The following PIBF1 variants were observed in gnomAD, a reference collection of about 807,000 sequenced individuals.
PIBF1 encodes the protein progesterone immunomodulatory binding factor 1, also known as progesterone-induced-blocking factor 1.
PIBF1 carries 90 observed loss-of-function variants against 112.5 expected under a neutral mutation model. The ratio of observed to expected loss-of-function variants is 0.80; its 90% CI spans 0.67 to 0.95. The LOEUF (loss-of-function observed/expected upper bound fraction) is 0.95. PIBF1 is among the 40% of genes least tolerant of loss of function. The pLI, the probability that PIBF1 is intolerant of heterozygous loss-of-function variation, is 0.00. For missense variants in PIBF1, 915 were observed against 852.3 expected (o/e 1.07, Z -0.92); for synonymous variants, 301 against 288.6 (o/e 1.04, Z -0.44).
At chr13:72,883,381 A>G (rs2039719686) in intron 10 of PIBF1, among the ~76,000 whole-genome samples, 1 of 152,198 alleles carries the variant, frequency 6.6e-6, no homozygotes, top group South Asian at 2.1e-4. Flanking sequence ...GGGTACAAAA[A>G]TAATAGGGAG....
intron 13 of PIBF1, among the ~76,000 whole-genome samples, chr13:72,923,838 C>T (rs2041383350): frequency 6.6e-6 from 1 of 152,140 alleles, no homozygotes; most frequent in African/African-American, 2.4e-5. Context: ...GTGGTGGGCG[C>T]CTGTAATCCC....
At chr13:72,975,054 CT>C (rs568515289) in intron 16 of PIBF1, among the ~76,000 whole-genome samples, 14,069 of 135,928 alleles carry the variant, frequency 0.1, 570 homozygotes, top group Non-Finnish European at 0.15. Context: ...GAAAAAGAAA[CT>C]TTTTTTTTTT....
chr13:72,830,876 A>T (rs1003235071), intron 8 of PIBF1, among the ~76,000 whole-genome samples: 4 of 152,158 alleles, frequency 2.6e-5, no homozygotes, highest in Admixed American at 6.5e-5. Flanking sequence ...CTCTGGTAGA[A>T]TTCAGCTGGG....
At chr13:72,984,456 A>G (rs1249070551) in intron 16 of PIBF1, among the ~76,000 whole-genome samples, 2 of 152,218 alleles carry the variant, frequency 1.3e-5, no homozygotes, top group Non-Finnish European at 2.9e-5. Context: ...CCCAAAATAC[A>G]TACTTTTCAG....
chr13:72,970,948 C>G (rs1354767495), intron 15 of PIBF1, among the ~76,000 whole-genome samples: 1 of 152,144 alleles, frequency 6.6e-6, no homozygotes, highest in Non-Finnish European at 1.5e-5. Flanking sequence ...TCATGTCTTA[C>G]AGGTGCAACA....
intron 10 of PIBF1, among the ~76,000 whole-genome samples, chr13:72,892,421 A>G (rs545668775): frequency 5.8e-4 from 88 of 152,178 alleles, no homozygotes; most frequent in Admixed American, 1.6e-3. Flanking sequence ...CTCTGATTAT[A>G]TTTTGAATGG....
chr13:72,913,761 C>CAA (rs570395102), intron 12 of PIBF1, among the ~76,000 whole-genome samples: 7 of 124,342 alleles, frequency 5.6e-5, no homozygotes, highest in Non-Finnish European at 3.4e-5. Flanking sequence ...GACTCTGTCT[C>CAA]AAAAAAAAAA....
intron 10 of PIBF1, among the ~76,000 whole-genome samples, chr13:72,875,725 A>C (rs553055045): frequency 6.6e-6 from 1 of 152,142 alleles, no homozygotes; most frequent in Non-Finnish European, 1.5e-5. Flanking sequence ...TTTATTGGCC[A>C]TCACTGTATC....
At chr13:72,846,698 A>G (rs2037893263) in intron 9 of PIBF1, among the ~76,000 whole-genome samples, 1 of 152,118 alleles carries the variant, frequency 6.6e-6, no homozygotes, top group East Asian at 1.9e-4. Context: ...CTGCATAACC[A>G]TCTACTCCTG....
intron 5 of PIBF1, among the ~76,000 whole-genome samples, chr13:72,815,322 C>T (rs923003031): frequency 1.3e-5 from 2 of 152,172 alleles, no homozygotes; most frequent in Non-Finnish European, 2.9e-5. Context: ...AACACATTAA[C>T]GTATCAGATG....
chr13:72,978,575 A>G (rs2043081174), intron 16 of PIBF1, among the ~76,000 whole-genome samples: 1 of 152,136 alleles, frequency 6.6e-6, no homozygotes, highest in Admixed American at 6.5e-5. Flanking sequence ...TTGTAATTTA[A>G]TGTGTTTCCT....
chr13:72,868,195 G>C (rs2039003723), intron 10 of PIBF1, among the ~76,000 whole-genome samples: 2 of 152,066 alleles, frequency 1.3e-5, no homozygotes, highest in Admixed American at 6.5e-5. Context: ...CAGCTCCTCA[G>C]GAGGCTGAGG....
intron 10 of PIBF1, among the ~76,000 whole-genome samples, chr13:72,881,562 A>G (rs1443162653): frequency 6.6e-6 from 1 of 151,950 alleles, no homozygotes. Context: ...CTAAAAATAC[A>G]AAAATTAGCC....
chr13:72,789,940 G>A (rs982787107), intron 2 of PIBF1, among the ~76,000 whole-genome samples: 1 of 152,164 alleles, frequency 6.6e-6, no homozygotes, highest in African/African-American at 2.4e-5. Flanking sequence ...TAATTATAAG[G>A]AATGTGTTTA....
At chr13:72,791,979 T>C (rs2034954534) in intron 2 of PIBF1, among the ~76,000 whole-genome samples, 1 of 151,622 alleles carries the variant, frequency 6.6e-6, no homozygotes, top group Admixed American at 6.6e-5. Flanking sequence ...GATAGAGGAA[T>C]ATAAATTTGG....
chr13:72,961,063 A>AT (rs926007754), intron 14 of PIBF1, among the ~76,000 whole-genome samples: 6 of 126,834 alleles, frequency 4.7e-5, no homozygotes, highest in South Asian at 2.4e-4. Flanking sequence ...TTTTTTGAAG[A>AT]TTTTTTTTCC....
At chr13:72,890,343 T>G (rs1237468869) in intron 10 of PIBF1, among the ~76,000 whole-genome samples, 1 of 152,150 alleles carries the variant, frequency 6.6e-6, no homozygotes, top group Non-Finnish European at 1.5e-5. Flanking sequence ...TGTAGCTCCC[T>G]GTGTAATAGC....
intron 5 of PIBF1, among the ~76,000 whole-genome samples, chr13:72,806,824 C>T (rs942649245): frequency 3.9e-5 from 6 of 152,076 alleles, no homozygotes; most frequent in African/African-American, 1.2e-4. Flanking sequence ...CCACAATAAA[C>T]ATGTGTGCAT....
chr13:73,004,489 CAAAA>C (rs56073630), intron 17 of PIBF1, among the ~76,000 whole-genome samples: 2 of 136,878 alleles, frequency 1.5e-5, no homozygotes, highest in African/African-American at 2.7e-5. Flanking sequence ...GATTCTGTCT[CAAAA>C]AAAAAAAAAA....
Sources: allele counts gnomAD v4.1 joint callset (sites outside exome capture counted in the v4.1 genomes callset), GRCh38; gene constraint gnomAD v4.1.1; transcripts MANE v1.5; gene names NCBI Gene and HGNC (gene_info 2026-07-23, HGNC 2026-07-21).